GRAMD2B: variants seen among roughly 807,000 people sequenced by gnomAD.
The protein encoded by GRAMD2B is GRAM domain-containing protein 2B.
Under a neutral mutation model 59.2 loss-of-function variants are expected in GRAMD2B, and 41 were observed. The observed-to-expected ratio is 0.69, with a 90% CI of 0.54 to 0.90. The LOEUF is 0.90. GRAMD2B is among the 40% of genes least tolerant of loss of function. GRAMD2B has a pLI of 0.00. For synonymous variants in GRAMD2B, 161 were observed against 182.7 expected (o/e 0.88, Z 0.96); for missense variants, 424 against 500.5 (o/e 0.85, Z 1.46).
intron 12 of GRAMD2B, 54 bp from the exon 13 acceptor site, chr5:126,488,745 C>T: frequency 1.6e-6 from 2 of 1,227,098 alleles, no homozygotes; most frequent in Non-Finnish European, 1.2e-6. Flanking sequence ...GTGTTCATTC[C>T]ACTTCTTTCC....
chr5:126,473,898 G>C (rs1214551751), intron 5 of GRAMD2B, among the ~76,000 whole-genome samples: 1 of 152,118 alleles, frequency 6.6e-6, no homozygotes, highest in Non-Finnish European at 1.5e-5. Flanking sequence ...GCCTGGGTAA[G>C]TCAGACATCC....
At chr5:126,397,302 G>T (rs571789672) in intron 1 of GRAMD2B, among the ~76,000 whole-genome samples, 1 of 152,240 alleles carries the variant, frequency 6.6e-6, no homozygotes, top group Non-Finnish European at 1.5e-5. Context: ...TTGGCTCACT[G>T]CAACCTTCAC....
At chr5:126,386,422 A>G (rs780936394) in intron 1 of GRAMD2B, among the ~76,000 whole-genome samples, 82 of 152,224 alleles carry the variant, frequency 5.4e-4, no homozygotes, top group Admixed American at 1.3e-3. Flanking sequence ...ATTATGCCAA[A>G]TCCTAGCCTC....
chr5:126,374,220 C>T (rs1754997634), intron 1 of GRAMD2B, among the ~76,000 whole-genome samples: 1 of 152,220 alleles, frequency 6.6e-6, no homozygotes, highest in African/African-American at 2.4e-5. Flanking sequence ...TCTGCTGTCT[C>T]AGCAACACTG....
At chr5:126,491,516 G>A (rs1481966479) in intron 13 of GRAMD2B, among the ~76,000 whole-genome samples, 1 of 152,164 alleles carries the variant, frequency 6.6e-6, no homozygotes, top group Non-Finnish European at 1.5e-5. Context: ...TGTAAAGCCT[G>A]TCTTTGTGTG....
intron 1 of GRAMD2B, among the ~76,000 whole-genome samples, chr5:126,425,091 C>T (rs1387851911): frequency 6.6e-6 from 1 of 152,202 alleles, no homozygotes; most frequent in Non-Finnish European, 1.5e-5. Context: ...AACCTCACTT[C>T]CTAATACTAG....
upstream of GRAMD2B, chr5:126,423,293 T>C: frequency 1.7e-6 from 2 of 1,201,478 alleles, no homozygotes; most frequent in Middle Eastern, 3.3e-4. Flanking sequence ...CCCGAAAGAC[T>C]CGTTCAACAG....
intron 1 of GRAMD2B, among the ~76,000 whole-genome samples, chr5:126,372,239 T>G (rs1226382413): frequency 6.6e-6 from 1 of 152,186 alleles, no homozygotes; most frequent in Non-Finnish European, 1.5e-5. Flanking sequence ...ATTTATAGAA[T>G]GTAGAAATTT....
At chr5:126,414,647 T>A (rs1759107261) in intron 1 of GRAMD2B, among the ~76,000 whole-genome samples, 1 of 152,136 alleles carries the variant, frequency 6.6e-6, no homozygotes, top group Non-Finnish European at 1.5e-5. Flanking sequence ...AATTTCTTTT[T>A]TTGTAGAGAC....
intron 1 of GRAMD2B, chr5:126,462,515 C>A: frequency 1.2e-6 from 1 of 837,204 alleles, no homozygotes; most frequent in Non-Finnish European, 1.4e-6. Context: ...CATCTTTAAG[C>A]AAAAACCTAA....
At chr5:126,485,213 G>A (rs1772674746) in intron 10 of GRAMD2B, among the ~76,000 whole-genome samples, 1 of 151,942 alleles carries the variant, frequency 6.6e-6, no homozygotes, top group African/African-American at 2.4e-5. Flanking sequence ...AATCAGCTGG[G>A]TGTGGTACAT....
chr5:126,439,328 C>CTTTTTTTTTTTTT (rs930960414), intron 1 of GRAMD2B, among the ~76,000 whole-genome samples: 1 of 122,570 alleles, frequency 8.2e-6, no homozygotes, highest in African/African-American at 3.4e-5. Context: ...TTTGGTTTTG[C>CTTTTTTTTTTTTT]TTTTTTTTTT....
intron 1 of GRAMD2B, among the ~76,000 whole-genome samples, chr5:126,448,496 G>T (rs754372908): frequency 6.6e-6 from 1 of 152,070 alleles, no homozygotes; most frequent in Non-Finnish European, 1.5e-5. Context: ...GAACCAAAGG[G>T]GTTTTAAAGG....
intron 6 of GRAMD2B, 81 bp downstream of exon 6, chr5:126,477,868 G>C: frequency 1.2e-6 from 1 of 821,438 alleles, no homozygotes; most frequent in Non-Finnish European, 2.1e-6. Context: ...TCTTGCCAAG[G>C]ACCAAGACTC....
In GRAMD2B at chr5:126,480,440, C is replaced by A; in HGVS notation, c.583-16C>A. 6.4e-7 allele frequency: 1 copy of A among 1,566,578 alleles called. No homozygotes were observed. The highest frequency in any genetic ancestry group is 8.8e-7 in the Non-Finnish European group (1 of 1,137,184). ...CCGGCAATATCTATTCATAATTATCCTGTTTTGTTTTTCAGTACATATTTG... is the reference window on the plus strand; with the variant it reads ...CCGGCAATATCTATTCATAATTATCATGTTTTGTTTTTCAGTACATATTTG... On this transcript the variant is annotated splice_polypyrimidine_tract_variant and intron_variant, in intron 6 of 13. Transcript: ENST00000285689.
intron 13 of GRAMD2B, among the ~76,000 whole-genome samples, chr5:126,491,860 AG>A (rs1420026046): frequency 2.0e-5 from 3 of 151,982 alleles, no homozygotes; most frequent in African/African-American, 7.3e-5. Flanking sequence ...CAGCCTCCCA[AG>A]TAGCTGGGAT....
intron 1 of GRAMD2B, among the ~76,000 whole-genome samples, chr5:126,373,430 C>T (rs1053999891): frequency 6.6e-6 from 1 of 152,158 alleles, no homozygotes; most frequent in Non-Finnish European, 1.5e-5. Context: ...ACTTGCAGAT[C>T]AACAAGCCAC....
intron 1 of GRAMD2B, among the ~76,000 whole-genome samples, chr5:126,397,901 T>C (rs990243546): frequency 6.6e-6 from 1 of 152,170 alleles, no homozygotes; most frequent in East Asian, 1.9e-4. Flanking sequence ...TTGGAAGTGT[T>C]CCCTCTTCTA....
intron 1 of GRAMD2B, among the ~76,000 whole-genome samples, chr5:126,446,585 T>C (rs1057500528): frequency 4.0e-5 from 6 of 148,288 alleles, no homozygotes; most frequent in African/African-American, 1.5e-4. Flanking sequence ...ATTAGTCATG[T>C]AGAAAATGTT....
Sources: gnomAD v4.1 joint callset for allele counts (sites outside exome capture counted in the v4.1 genomes callset) on GRCh38, gnomAD v4.1.1 for gene constraint, MANE v1.5 for transcripts, NCBI Gene and HGNC (gene_info 2026-07-23, HGNC 2026-07-21) for gene names.